Variants in SYDE2 observed in about 807,000 individuals in gnomAD.
The protein encoded by SYDE2 is synapse defective Rho GTPase homolog 2.
Under a neutral mutation model 91.5 loss-of-function variants are expected in SYDE2, and 76 were observed. That is an observed-to-expected ratio of 0.83 (90% CI 0.69 to 1.01). The LOEUF (loss-of-function observed/expected upper bound fraction) is 1.01, where lower values mean the gene tolerates loss of function less well. SYDE2 is among the 50% of genes least tolerant of loss of function. SYDE2 has a pLI of 0.00. For missense variants in SYDE2, 1,364 were observed against 1,367.7 expected (o/e 1.00, Z 0.04); for synonymous variants, 513 against 506.4 (o/e 1.01, Z -0.18).
In SYDE2 at chr1:85,182,481, A is replaced by C. The variant is rs1313309283; in HGVS notation, c.2161T>G (p.Cys721Gly). ...VNKARTALLTCRTTFLDMDHT... is the reference protein window; with the variant it reads ...VNKARTALLTGRTTFLDMDHT... ...TCCATGTCTAAAAATGTTGTTCGGC[A>C]TGTGAGCAAAGCTGTTCTTGCTTTG... The change falls in exon 3 of 7, where the codon TGC (cysteine) becomes GGC (glycine). Residue 721 changes from cysteine to glycine, a missense_variant. Cys to Gly is a radical substitution (Grantham distance 159). Transcript: ENST00000341460. 3.1e-6 allele frequency: 5 copies of C among 1,613,862 alleles called. 1 individual carries two copies. In the Admixed American group the frequency reaches 8.3e-5, roughly 27 times the overall value.
intron 1 of SYDE2, among the ~76,000 whole-genome samples, chr1:85,195,277 T>A (rs190548447): frequency 2.6e-3 from 400 of 152,272 alleles, no homozygotes; most frequent in African/African-American, 9.2e-3. Context: ...AATAAAAGTA[T>A]CTTATGAACA....
Position 85,200,295 on chromosome 1 carries a change from G to T in SYDE2, c.702C>A (p.Asn234Lys). The T allele has an allele frequency of 6.2e-7, 1 of 1,614,004 alleles. No individual in the cohort carries two copies. Among genetic ancestry groups the T allele is most frequent in the Non-Finnish European group, 8.5e-7 (1 of 1,179,888 alleles). The change falls in exon 1 of 7, where the codon AAC becomes AAA. Residue 234 changes from asparagine (N) to lysine (K), a missense_variant. Asn to Lys is a moderately conservative substitution (Grantham distance 94, BLOSUM62 0). Transcript: ENST00000341460. ...GGTCTGGAGGCACCGACAGGACACG[G>T]TTTTCACGCACTTTCAAAGCGCCCA... ...PNVGALKVRE[N>K]RVLSVPPDQR...
chr1:85,158,600 T>G lies in SYDE2; in HGVS notation c.*150A>C. The G allele has an allele frequency of 3.7e-6, 2 of 534,084 alleles. No homozygotes were observed. Among genetic ancestry groups the G allele is most frequent in the Non-Finnish European group, 6.6e-6 (2 of 304,970 alleles). 33.1% of individuals were successfully genotyped at this position (534,084 alleles called of 1,614,324 possible). On this transcript the variant is annotated 3_prime_UTR_variant, in exon 7 of 7. Coordinates refer to ENST00000341460, the MANE Select transcript of SYDE2 (RefSeq NM_032184.2). ...GATAAGTAAAAATTGTATTAATGAA[T>G]AGTGTTTTTAATTGAATCAGATAAA... is the stretch of plus-strand genomic sequence containing the variant.
chr1:85,162,809 G>GTCAT (rs1657108976), intron 6 of SYDE2, among the ~76,000 whole-genome samples: 1 of 152,090 alleles, frequency 6.6e-6, no homozygotes, highest in Non-Finnish European at 1.5e-5. Context: ...AAACTTAATG[G>GTCAT]TATCTCCAGG....
At chr1:85,185,746 C>T (rs1658111897) in intron 2 of SYDE2, among the ~76,000 whole-genome samples, 1 of 151,622 alleles carries the variant, frequency 6.6e-6, no homozygotes. Flanking sequence ...CGTCTGCAAA[C>T]AGGGACAATT....
intron 1 of SYDE2, among the ~76,000 whole-genome samples, chr1:85,192,004 C>CA (rs780828070): frequency 6.8e-6 from 1 of 146,820 alleles, no homozygotes; most frequent in Non-Finnish European, 1.5e-5. Flanking sequence ...AATCTAAGAT[C>CA]ATCTCAGGTT....
At chr1:85,197,894 T>C (rs1658654575) in intron 1 of SYDE2, among the ~76,000 whole-genome samples, 1 of 152,064 alleles carries the variant, frequency 6.6e-6, no homozygotes, top group Non-Finnish European at 1.5e-5. Flanking sequence ...GACCTCGTGA[T>C]CCGCCCGCCT....
Position 85,190,732 on chromosome 1 carries a change from C to G in SYDE2, c.766G>C (p.Gly256Arg), listed in dbSNP as rs545269811. 6.3e-7 allele frequency: 1 copy of G among 1,598,372 alleles called. No homozygotes were observed. The highest frequency in any genetic ancestry group is 2.2e-5 in the East Asian group (1 of 44,698). ...TLTDLFENAY[G>R]SSMKGRELEE... Reference sequence around the variant, plus strand: ...AGTTCTCTTCCCTTCATTGAAGACCCATAGGCATTTTCAAATAAATCTGTT... The same window carrying G: ...AGTTCTCTTCCCTTCATTGAAGACCGATAGGCATTTTCAAATAAATCTGTT... Residue 256 changes from glycine to arginine, a missense_variant, in exon 2 of 7, where the codon GGG becomes CGG. Gly to Arg is a moderately radical substitution (Grantham distance 125). Transcript: ENST00000341460.
chr1:85,180,729 G>T (rs1657883173), intron 3 of SYDE2, among the ~76,000 whole-genome samples: 1 of 151,192 alleles, frequency 6.6e-6, no homozygotes, highest in South Asian at 2.1e-4. Context: ...AAAATGAAAA[G>T]CATTGCTAAA....
At chr1:85,193,659 T>C (rs1335840526) in intron 1 of SYDE2, among the ~76,000 whole-genome samples, 1 of 152,120 alleles carries the variant, frequency 6.6e-6, no homozygotes, top group African/African-American at 2.4e-5. Context: ...GTCTCACTCT[T>C]GTCACCCAGG....
rs1453756175 is a variant in SYDE2 at position 85,157,776 on chromosome 1, C to T, written c.*974G>A. 2 of 151,956 alleles carry T rather than the reference C, an allele frequency of 1.3e-5. No individual in the cohort carries two copies. Among genetic ancestry groups the T allele is most frequent in the Non-Finnish European group, 2.9e-5 (2 of 67,986 alleles). The allele number at this position is 151,956 out of a possible 1,614,324, so 9.4% of individuals were successfully genotyped here. A position where few individuals can be genotyped will look rare whatever the true frequency, so the allele number is the denominator to read the frequency against. The stretch of plus-strand genomic sequence containing the variant: ...AAATACTTTAAGATAATAATTTTGG[C>T]CTCATGACATATATACTTTAAAAAT... On this transcript the variant is annotated 3_prime_UTR_variant, in exon 7 of 7. Transcript: ENST00000341460.
In SYDE2 at chr1:85,200,493, G is replaced by C; in HGVS notation, c.504C>G (p.Arg168=). Residue 168 remains arginine (R), a synonymous_variant, in exon 1 of 7, where the codon CGC becomes CGG. Coordinates refer to ENST00000341460, the MANE Select transcript of SYDE2 (RefSeq NM_032184.2). ...CTTCCTGGCGGTCTCCTTTGCCACTGCGTATCACAGAGGACCCCGCTGGAT... is the reference window on the plus strand; with the variant it reads ...CTTCCTGGCGGTCTCCTTTGCCACTCCGTATCACAGAGGACCCCGCTGGAT... ...FRDPAGSSVI[R]SGKGDRQEGP... 1.2e-6 allele frequency: 2 copies of C among 1,613,810 alleles called. No homozygotes were observed. Among genetic ancestry groups the C allele is most frequent in the Non-Finnish European group, 1.7e-6 (2 of 1,179,886 alleles).
Position 85,186,988 on chromosome 1 carries a change from T to A in SYDE2, c.1441+3069A>T, listed in dbSNP as rs1472538996. Reference sequence around the variant, plus strand: ...TTCATGTCTAAAACACCAAAAGCAATGGCAACAAAAGCCAAAATTGACAAA... The same window carrying A: ...TTCATGTCTAAAACACCAAAAGCAAAGGCAACAAAAGCCAAAATTGACAAA... On this transcript the variant is annotated intron_variant, in intron 2 of 6. Transcript: ENST00000341460. 5.9e-5 allele frequency among the ~76,000 whole-genome samples: 9 copies of A among 152,134 alleles called. No homozygotes were observed. In the East Asian group the frequency reaches 1.7e-3, roughly 29 times the overall value.
intron 4 of SYDE2, among the ~76,000 whole-genome samples, chr1:85,170,113 T>TG (rs1657449512): frequency 1.5e-5 from 1 of 66,452 alleles, no homozygotes; most frequent in Admixed American, 2.0e-4. Flanking sequence ...GCTTCCCATC[T>TG]CTTTTTTTTT....
At chr1:85,199,364 T>C (rs1013149684) in intron 1 of SYDE2, among the ~76,000 whole-genome samples, 2 of 152,228 alleles carry the variant, frequency 1.3e-5, no homozygotes, top group Non-Finnish European at 2.9e-5. Flanking sequence ...TTTTGATATT[T>C]ACAACATAAT....
At chr1:85,183,316 T>C (rs1344468449) in intron 2 of SYDE2, 116 bp from the exon 3 acceptor site, 1 of 916,626 alleles carries the variant, frequency 1.1e-6, no homozygotes. Flanking sequence ...TCTTCTCTTA[T>C]TTCATCTCAA....
chr1:85,164,783 T>C (rs1344243244), intron 5 of SYDE2, 26 bp from the exon 6 acceptor site: 2 of 1,301,512 alleles, frequency 1.5e-6, no homozygotes, highest in African/African-American at 3.1e-5. Context: ...TTTCAATTAA[T>C]ATAGTCATAA....
intron 2 of SYDE2, among the ~76,000 whole-genome samples, chr1:85,186,651 T>C (rs1210317616): frequency 6.6e-6 from 1 of 151,874 alleles, no homozygotes; most frequent in Non-Finnish European, 1.5e-5. Context: ...AGCATGGTAC[T>C]GGTACCAAAA....
At chr1:85,181,990 T>C in intron 3 of SYDE2, 108 bp downstream of exon 3, 1 of 1,190,316 alleles carries the variant, frequency 8.4e-7, no homozygotes, top group South Asian at 1.8e-5. Flanking sequence ...ATAGGAATGG[T>C]AAAATATCTA....
Sources: allele counts gnomAD v4.1 joint callset (sites outside exome capture counted in the v4.1 genomes callset), GRCh38; gene constraint gnomAD v4.1.1; transcripts MANE v1.5; gene names NCBI Gene and HGNC (gene_info 2026-07-23, HGNC 2026-07-21).